Variants in FAM184B observed in about 807,000 individuals in gnomAD.
The protein encoded by FAM184B is family with sequence similarity 184 member B, also known as protein FAM184B.
Under a neutral mutation model 135.9 loss-of-function variants are expected in FAM184B, and 111 were observed. That is an observed-to-expected ratio of 0.82 (90% CI 0.70 to 0.96). FAM184B has a LOEUF of 0.96. Among genes scored for constraint, FAM184B ranks in the 40% least tolerant of loss-of-function variants. FAM184B has a pLI of 0.00. For missense variants in FAM184B, 1,375 were observed against 1,323.9 expected (o/e 1.04, Z -0.60); for synonymous variants, 552 against 524.8 (o/e 1.05, Z -0.71).
intron 12 of FAM184B, among the ~76,000 whole-genome samples, chr4:17,645,429 T>C (rs1715439922): frequency 6.6e-6 from 1 of 152,174 alleles, no homozygotes; most frequent in Non-Finnish European, 1.5e-5. Context: ...ACCACATATC[T>C]GCAACTATCT....
At chr4:17,737,305 T>C (rs1031453544) in intron 1 of FAM184B, among the ~76,000 whole-genome samples, 5 of 152,018 alleles carry the variant, frequency 3.3e-5, no homozygotes, top group Admixed American at 6.5e-5. Flanking sequence ...ATCTGGTCAA[T>C]GTCCTTCATC....
At chr4:17,768,687 C>T (rs985698409) in intron 1 of FAM184B, among the ~76,000 whole-genome samples, 1 of 152,124 alleles carries the variant, frequency 6.6e-6, no homozygotes, top group South Asian at 2.1e-4. Context: ...ATAAGAGGAT[C>T]TCTATTATTA....
chr4:17,765,226 A>G (rs1283209029), intron 1 of FAM184B, among the ~76,000 whole-genome samples: 1 of 152,150 alleles, frequency 6.6e-6, no homozygotes, highest in Non-Finnish European at 1.5e-5. Context: ...CATCTTGTCT[A>G]TCAGATTGTC....
At chr4:17,658,700 T>C in intron 9 of FAM184B, 138 bp from the exon 10 acceptor site, 1 of 857,992 alleles carries the variant, frequency 1.2e-6, no homozygotes, top group South Asian at 1.8e-5. Flanking sequence ...GGATGGAAGC[T>C]GCAAGCTTTA....
rs1385584427 is a variant in FAM184B at position 17,630,514 on chromosome 4, A to ACTT, written c.*2015_*2017dup. 2 of 152,194 alleles carry ACTT rather than the reference A, an allele frequency of 1.3e-5. No homozygotes were observed. The highest frequency in any genetic ancestry group is 4.8e-5 in the African/African-American group (2 of 41,444). 9.4% of individuals were successfully genotyped at this position (152,194 alleles called of 1,614,324 possible). ...ATATCTGCTGGTGCCTTGATCTTGG[A>ACTT]CTTAGCCTCTAGGACTGTGAGTGAC... On this transcript the variant is annotated 3_prime_UTR_variant, in exon 18 of 18. Transcript: ENST00000265018.
At chr4:17,647,874 GGT>G in intron 11 of FAM184B, 83 bp from the exon 12 acceptor site, 1 of 1,410,248 alleles carries the variant, frequency 7.1e-7, no homozygotes, top group Non-Finnish European at 9.5e-7. Context: ...TCTGGGGTGG[GGT>G]TGGATGACGT....
intron 1 of FAM184B, among the ~76,000 whole-genome samples, chr4:17,766,805 C>T (rs1444954454): frequency 6.6e-6 from 1 of 152,246 alleles, no homozygotes; most frequent in Admixed American, 6.5e-5. Context: ...GCGCAGAGCA[C>T]CCGCACTCCT....
At chr4:17,752,394 A>G (rs1272599915) in intron 1 of FAM184B, among the ~76,000 whole-genome samples, 1 of 152,096 alleles carries the variant, frequency 6.6e-6, no homozygotes, top group Non-Finnish European at 1.5e-5. Flanking sequence ...CAGGCAATGA[A>G]AAGAATGAAT....
At chr4:17,690,822 A>T (rs902188264) in intron 6 of FAM184B, among the ~76,000 whole-genome samples, 2 of 152,116 alleles carry the variant, frequency 1.3e-5, no homozygotes, top group African/African-American at 2.4e-5. Flanking sequence ...AGAAAGGCTT[A>T]AGGCGTAGGA....
At chr4:17,634,055 T>G in intron 16 of FAM184B, 167 bp from the exon 17 acceptor site, 1 of 495,310 alleles carries the variant, frequency 2.0e-6, no homozygotes, top group Non-Finnish European at 3.4e-6. Context: ...CCCTCCAATC[T>G]TCATTTTGTA....
At chr4:17,646,805 A>T (rs1050002155) in intron 12 of FAM184B, among the ~76,000 whole-genome samples, 4 of 152,028 alleles carry the variant, frequency 2.6e-5, no homozygotes, top group Non-Finnish European at 5.9e-5. Context: ...GACTGGAGGG[A>T]GAGAGGGCTG....
Position 17,709,198 on chromosome 4 carries a change from G to C in FAM184B, c.588C>G (p.Val196=). The change falls in exon 2 of 18, where the codon GTC becomes GTG. Residue 196 remains valine, a synonymous_variant. Coordinates refer to ENST00000265018, the MANE Select transcript of FAM184B (RefSeq NM_015688.2). Reference sequence around the variant, plus strand: ...CTCGCAGCCGCTGCACCTCTAGCAGGACCTCCTGCATCTCCGGGCCCTGGC... The same window carrying C: ...CTCGCAGCCGCTGCACCTCTAGCAGCACCTCCTGCATCTCCGGGCCCTGGC... ...EPGQGPEMQE[V]LLEVQRLRVE... The C allele has an allele frequency of 1.3e-6, 2 of 1,548,334 alleles. No homozygotes were observed. Among genetic ancestry groups the C allele is most frequent in the Non-Finnish European group, 1.7e-6 (2 of 1,146,564 alleles).
chr4:17,714,920 C>T (rs1717374424), intron 1 of FAM184B, among the ~76,000 whole-genome samples: 3 of 152,102 alleles, frequency 2.0e-5, no homozygotes, highest in Non-Finnish European at 4.4e-5. Flanking sequence ...CCCTTGGGGA[C>T]ACCAAGGATC....
intron 11 of FAM184B, 71 bp from the exon 12 acceptor site, chr4:17,647,862 T>G: frequency 3.4e-6 from 5 of 1,468,894 alleles, no homozygotes; most frequent in Non-Finnish European, 4.6e-6. Context: ...GGGACAACAG[T>G]CTCTGGGGTG....
chr4:17,688,072 AGGGGCTTTTATGACTACTACT>A lies in FAM184B; in HGVS notation c.1596+331_1596+351del, dbSNP rs1715411302. On this transcript the variant is annotated intron_variant, in intron 7 of 17. Transcript: ENST00000265018. ...TGGAGGCAGACAGCCGGGGCAAGAG[AGGGGCTTTTATGACTACTACT>A]GGGGTTCGTGCTGGGCAGAATCAAA... Among the ~76,000 whole-genome samples, 4 of 152,180 alleles carry A rather than the reference AGGGGCTTTTATGACTACTACT, an allele frequency of 2.6e-5. No homozygotes were observed. In the South Asian group the frequency reaches 8.3e-4, roughly 32 times the overall value.
chr4:17,736,755 C>T (rs573053018), intron 1 of FAM184B, among the ~76,000 whole-genome samples: 8 of 152,278 alleles, frequency 5.3e-5, no homozygotes, highest in African/African-American at 1.9e-4. Context: ...GCACTTACTC[C>T]CATAGCCACA....
At chr4:17,694,239 A>T (rs755795066) in intron 5 of FAM184B, among the ~76,000 whole-genome samples, 1 of 151,454 alleles carries the variant, frequency 6.6e-6, no homozygotes, top group Non-Finnish European at 1.5e-5. Context: ...ATTCTCATAG[A>T]GGGGCCAGGC....
Position 17,632,571 on chromosome 4 carries a change from A to C in FAM184B, c.3144T>G (p.Ser1048=), listed in dbSNP as rs1442406846. 1 of 1,551,392 alleles carries C rather than the reference A, an allele frequency of 6.4e-7. No homozygotes were observed. The highest frequency in any genetic ancestry group is 8.7e-7 in the Non-Finnish European group (1 of 1,146,852). ...QAKEVQQKQG[S]PHQEWFTKYF... is the part of the protein sequence containing the mutation. ...ACTTGGTGAACCATTCCTGGTGCGGAGAGCCCTGTTTCTGCTGGACTTCTT... is the reference window on the plus strand; with the variant it reads ...ACTTGGTGAACCATTCCTGGTGCGGCGAGCCCTGTTTCTGCTGGACTTCTT... The change falls in exon 18 of 18, where the codon TCT becomes TCG. Residue 1048 remains serine (S), a synonymous_variant. Transcript: ENST00000265018.
In FAM184B at chr4:17,731,782, TAA is replaced by T. The variant is rs576313170; in HGVS notation, c.142-22140_142-22139del. 5.9e-5 allele frequency among the ~76,000 whole-genome samples: 9 copies of T among 151,908 alleles called. No homozygotes were observed. The South Asian group carries it at 1.7e-3, about 28-fold the overall frequency. ...TAGACAGATCAACGAGACAGAAAGT[TAA>T]AAGTTAAAAAGGATACCCAGGAATT... On this transcript the variant is annotated intron_variant, in intron 1 of 17. Transcript: ENST00000265018.
Sources: allele counts gnomAD v4.1 joint callset (sites outside exome capture counted in the v4.1 genomes callset), GRCh38; gene constraint gnomAD v4.1.1; transcripts MANE v1.5; gene names NCBI Gene and HGNC (gene_info 2026-07-23, HGNC 2026-07-21).